The following JPH4 variants were observed in gnomAD, a reference collection of about 807,000 sequenced individuals.
JPH4 encodes junctophilin 4.
JPH4 carries 18 observed loss-of-function variants against 57.6 expected under a neutral mutation model. That is an observed-to-expected ratio of 0.31 (90% CI 0.22 to 0.46). The LOEUF is 0.46. Among genes scored for constraint, JPH4 ranks in the 20% least tolerant of loss-of-function variants. The pLI is 1.00. For synonymous variants in JPH4, 425 were observed against 406.6 expected (o/e 1.05, Z -0.54); for missense variants, 727 against 911.1 (o/e 0.80, Z 2.60).
rs1889268171 is a variant in JPH4 at position 23,576,175 on chromosome 14, G to A, written c.661C>T (p.Arg221Cys). 1 of 1,300,550 alleles carries A rather than the reference G, an allele frequency of 7.7e-7. No individual in the cohort carries two copies. The highest frequency in any genetic ancestry group is 9.8e-7 in the Non-Finnish European group (1 of 1,023,298). 80.6% of individuals were successfully genotyped at this position (1,300,550 alleles called of 1,614,324 possible). A position where few individuals can be genotyped will look rare whatever the true frequency, so the allele number is the denominator to read the frequency against. The change falls in exon 3 of 6, where the codon CGT becomes TGT. Residue 221 changes from arginine to cysteine, a missense_variant. Arg to Cys is a radical substitution (Grantham distance 180). This residue lies in a region of JPH4 where 131 missense variants were observed against 156.5 expected (regional missense o/e 0.84). Transcript: ENST00000356300. This position sits in a 1 kb window ranked among gnomAD's most constrained non-coding sequence, Gnocchi z 8.0. The stretch of plus-strand genomic sequence containing the variant: ...CGGAGCCCGCTGAGCAGCAGCGAAC[G>A]GCGAAAGAATCCGCCGGCCGCCGGA... ...RTPAAGGFFR[R>C]SLLLSGLRAG...
chr14:23,570,980 C>A lies in JPH4; in HGVS notation c.1751G>T (p.Cys584Phe). Residue 584 changes from cysteine to phenylalanine, a missense_variant, in exon 5 of 6, where the codon TGC becomes TTC. By Grantham distance (205) the Cys-to-Phe change is radical (BLOSUM62 -2). Around this residue, in one of 7 missense-constraint regions of JPH4, gnomAD observed 293 missense variants for 279.8 expected, o/e 1.05. Coordinates refer to ENST00000356300, the MANE Select transcript of JPH4 (RefSeq NM_001146028.2). ...GGGCTCCCCGAGCTCTTCTGTCAGG[C>A]ACCCAGCATCAGGACCCCTCGAGGA... The part of the protein sequence containing the change: ...GSSSRGPDAG[C>F]LTEELGEPAA... 6.5e-7 allele frequency: 1 copy of A among 1,535,108 alleles called. No homozygotes were observed. The highest frequency in any genetic ancestry group is 8.8e-7 in the Non-Finnish European group (1 of 1,141,248).
chr14:23,569,544 A>G lies in JPH4; in HGVS notation c.*90T>C, dbSNP rs1889026789. 2.4e-6 allele frequency: 2 copies of G among 838,064 alleles called. No individual in the cohort carries two copies. The highest frequency in any genetic ancestry group is 4.0e-6 in the Non-Finnish European group (2 of 497,862). The allele number at this position is 838,064 out of a possible 1,614,324, so 51.9% of individuals were successfully genotyped here. On this transcript the variant is annotated 3_prime_UTR_variant, in exon 6 of 6. Coordinates refer to ENST00000356300, the MANE Select transcript of JPH4 (RefSeq NM_001146028.2). The surrounding 1 kb of genome is among the most constrained non-coding windows in gnomAD (Gnocchi z 4.8). Reference sequence around the variant, plus strand: ...AGAAGAGAAAGAAAGATAGGAGAAAACACAGCCAGGAAGAGGAGAAGAGAA... The same window carrying G: ...AGAAGAGAAAGAAAGATAGGAGAAAGCACAGCCAGGAAGAGGAGAAGAGAA...
rs564211358 is a variant in JPH4 at position 23,570,880 on chromosome 14, G to T, written c.1803+48C>A. On this transcript the variant is annotated intron_variant, in intron 5 of 5. Transcript: ENST00000356300. ...CAGACAGTTCTGGAAAGGGTGGGAG[G>T]CAAGGCTTTGGGAGAAGAGGGCACA... 8.2e-6 allele frequency: 12 copies of T among 1,460,570 alleles called. No individual in the cohort carries two copies. In the East Asian group the frequency reaches 2.7e-4, roughly 32 times the overall value. 90.5% of individuals were successfully genotyped at this position (1,460,570 alleles called of 1,614,324 possible).
Position 23,577,527 on chromosome 14 carries a change from T to A in JPH4, c.-74A>T. On this transcript the variant is annotated 5_prime_UTR_variant, in exon 2 of 6. Transcript: ENST00000356300. This position sits in a 1 kb window ranked among gnomAD's most constrained non-coding sequence, Gnocchi z 8.4. ...GGACTGGAGAGCCTGCTGGGGGCCT[T>A]GGAGCCGGGCGAGGCCTCGGGGCGG... The A allele has an allele frequency of 7.8e-7, 1 of 1,277,908 alleles. No homozygotes were observed. The highest frequency in any genetic ancestry group is 1.0e-6 in the Non-Finnish European group (1 of 993,792). The allele number at this position is 1,277,908 out of a possible 1,614,324, so 79.2% of individuals were successfully genotyped here.
Position 23,575,616 on chromosome 14 carries a change from C to G in JPH4, c.1151+69G>C. On this transcript the variant is annotated intron_variant, in intron 3 of 5. Transcript: ENST00000356300. The surrounding 1 kb of genome is among the most constrained non-coding windows in gnomAD (Gnocchi z 6.9). ...GGGCCTTGGGCCTCCCTTAGGCACA[C>G]CCGCCTTCCTGGTCCCCAGCGCACC... The G allele has an allele frequency of 6.5e-7, 1 of 1,541,596 alleles. No homozygotes were observed. Among genetic ancestry groups the G allele is most frequent in the Non-Finnish European group, 8.7e-7 (1 of 1,146,768 alleles).
At chr14:23,570,420 A>G (rs577958153) in intron 5 of JPH4, among the ~76,000 whole-genome samples, 26 of 130,970 alleles carry the variant, frequency 2.0e-4, no homozygotes, top group Admixed American at 1.5e-3. Flanking sequence ...CACCCAGGCT[A>G]GAGTGCAGTG....
In JPH4 at chr14:23,571,050, C is replaced by G; in HGVS notation, c.1681G>C (p.Gly561Arg). The G allele has an allele frequency of 6.2e-7, 1 of 1,608,618 alleles. No individual in the cohort carries two copies. Among genetic ancestry groups the G allele is most frequent in the Non-Finnish European group, 8.5e-7 (1 of 1,177,142 alleles). The change falls in exon 5 of 6, where the codon GGC becomes CGC. Residue 561 changes from glycine (G) to arginine (R), a missense_variant. Transcript: ENST00000356300. The surrounding 1 kb of genome is among the most constrained non-coding windows in gnomAD (Gnocchi z 4.6). The part of the protein sequence containing the change: ...EPLPPLRAPA[G>R]TEPEPIAMLV... ...ATGGCGATGGGCTCAGGCTCCGTGC[C>G]TGCTGGGGCCCTCAGCGGGGGCAGG...
chr14:23,570,140 C>A (rs1469122241), intron 5 of JPH4, among the ~76,000 whole-genome samples: 1 of 151,874 alleles, frequency 6.6e-6, no homozygotes, highest in Non-Finnish European at 1.5e-5. Context: ...TCCCGGTTTT[C>A]TGCCTTCTTC....
rs1315781350 is a variant in JPH4 at position 23,568,519 on chromosome 14, C to T, written c.*1115G>A. ...TGAGATCAGCTATCTTTGATCCCCT[C>T]CTTCTGTTGTTTTCCCATTTCACAA... On this transcript the variant is annotated 3_prime_UTR_variant, in exon 6 of 6. Coordinates refer to ENST00000356300, the MANE Select transcript of JPH4 (RefSeq NM_001146028.2). 1.0e-6 allele frequency: 1 copy of T among 985,656 alleles called. No homozygotes were observed. Among genetic ancestry groups the T allele is most frequent in the Non-Finnish European group, 1.2e-6 (1 of 829,976 alleles). The allele number at this position is 985,656 out of a possible 1,614,324, so 61.1% of individuals were successfully genotyped here.
rs775119623 is a variant in JPH4 at position 23,571,935 on chromosome 14, G to C, written c.1152-15C>G. ...CGTCTGCTGCCCTGTCGGGTCCAGA[G>C]ACAGGGATTTAGCAGAACTTCCCCC... On this transcript the variant is annotated splice_polypyrimidine_tract_variant and intron_variant, in intron 3 of 5. Transcript: ENST00000356300. This position sits in a 1 kb window ranked among gnomAD's most constrained non-coding sequence, Gnocchi z 4.6. 1.9e-6 allele frequency: 3 copies of C among 1,608,104 alleles called. No individual in the cohort carries two copies. Among genetic ancestry groups the C allele is most frequent in the African/African-American group, 2.7e-5 (2 of 74,990 alleles).
At chr14:23,572,410 G>T (rs2139466629) in intron 3 of JPH4, among the ~76,000 whole-genome samples, 1 of 151,862 alleles carries the variant, frequency 6.6e-6, no homozygotes, top group Non-Finnish European at 1.5e-5. Flanking sequence ...CCTCTCTGTG[G>T]GGTCTAGCAC....
At chr14:23,574,618 C>T (rs996941003) in intron 3 of JPH4, among the ~76,000 whole-genome samples, 4 of 152,236 alleles carry the variant, frequency 2.6e-5, no homozygotes, top group Non-Finnish European at 4.4e-5. Flanking sequence ...TTGCTGCTCA[C>T]CTCGCTGCGC....
Position 23,576,505 on chromosome 14 carries a change from C to T in JPH4, c.380-49G>A, listed in dbSNP as rs10151899. The T allele has an allele frequency of 1.5e-6, 2 of 1,340,580 alleles. No individual in the cohort carries two copies. Among genetic ancestry groups the T allele is most frequent in the Non-Finnish European group, 1.9e-6 (2 of 1,046,834 alleles). 83.0% of individuals were successfully genotyped at this position (1,340,580 alleles called of 1,614,324 possible). On this transcript the variant is annotated intron_variant, in intron 2 of 5. Transcript: ENST00000356300. The surrounding 1 kb of genome is among the most constrained non-coding windows in gnomAD (Gnocchi z 8.0). ...GAAAGAGTCAGGACGTGCCGCTGGG[C>T]TCCTTGCGCCCCAAGTCCCAAGCGC... is the stretch of plus-strand genomic sequence containing the variant.
chr14:23,573,937 A>AACACACACACACACACAC (rs35127620), intron 3 of JPH4, among the ~76,000 whole-genome samples: 22 of 143,182 alleles, frequency 1.5e-4, no homozygotes, highest in African/African-American at 4.8e-4. Context: ...CTCTCTCTGT[A>AACACACACACACACACAC]ACACACACAC....
At chr14:23,574,037 T>A (rs986255562) in intron 3 of JPH4, among the ~76,000 whole-genome samples, 6 of 152,092 alleles carry the variant, frequency 3.9e-5, no homozygotes, top group African/African-American at 1.4e-4. Flanking sequence ...TGATCTCTGA[T>A]CTCTCAAAAA....
chr14:23,570,582 G>C (rs1397997085), intron 5 of JPH4, among the ~76,000 whole-genome samples: 2 of 151,968 alleles, frequency 1.3e-5, no homozygotes. Context: ...CACTGTATTA[G>C]CCAGGATGGT....
chr14:23,576,093 A>C lies in JPH4; in HGVS notation c.743T>G (p.Val248Gly). ...GSKRGSLRSE[V>G]SSEVGSTGPP... is the part of the protein sequence containing the mutation. ...TCCGGTGCTGCCCACCTCGCTGCTC[A>C]CCTCGCTGCGCAGGGAGCCTCGCTT... The change falls in exon 3 of 6, where the codon GTG becomes GGG. Residue 248 changes from valine to glycine, a missense_variant. Physicochemically the swap from Val to Gly is moderately radical, Grantham distance 109 (BLOSUM62 -3). Coordinates refer to ENST00000356300, the MANE Select transcript of JPH4 (RefSeq NM_001146028.2). This position sits in a 1 kb window ranked among gnomAD's most constrained non-coding sequence, Gnocchi z 8.0. 7.7e-7 allele frequency: 1 copy of C among 1,299,538 alleles called. No individual in the cohort carries two copies. The highest frequency in any genetic ancestry group is 9.7e-7 in the Non-Finnish European group (1 of 1,027,572). The allele number at this position is 1,299,538 out of a possible 1,614,324, so 80.5% of individuals were successfully genotyped here. A position where few individuals can be genotyped will look rare whatever the true frequency, so the allele number is the denominator to read the frequency against.
chr14:23,572,737 C>T (rs1315318202), intron 3 of JPH4: 4 of 613,782 alleles, frequency 6.5e-6, no homozygotes, highest in East Asian at 2.8e-5. Flanking sequence ...GTAATGATCC[C>T]ATCCCCTCTC....
chr14:23,576,516 C>A lies in JPH4; in HGVS notation c.380-60G>T. On this transcript the variant is annotated intron_variant, in intron 2 of 5. Coordinates refer to ENST00000356300, the MANE Select transcript of JPH4 (RefSeq NM_001146028.2). This position sits in a 1 kb window ranked among gnomAD's most constrained non-coding sequence, Gnocchi z 8.0. ...GACGTGCCGCTGGGCTCCTTGCGCC[C>A]CAAGTCCCAAGCGCCCCTGGAAGCC... The A allele has an allele frequency of 7.6e-7, 1 of 1,307,952 alleles. No homozygotes were observed. The highest frequency in any genetic ancestry group is 9.8e-7 in the Non-Finnish European group (1 of 1,022,510). The allele number at this position is 1,307,952 out of a possible 1,614,324, so 81.0% of individuals were successfully genotyped here.
Sources: allele counts gnomAD v4.1 joint callset (sites outside exome capture counted in the v4.1 genomes callset), GRCh38; gene constraint gnomAD v4.1.1; regional missense constraint gnomAD v4.1.1; non-coding constraint Gnocchi (gnomAD v3.1); transcripts MANE v1.5; gene names NCBI Gene and HGNC (gene_info 2026-07-23, HGNC 2026-07-21).